The following GPC5 variants were observed in gnomAD, a reference collection of about 807,000 sequenced individuals.
GPC5 encodes the protein glypican 5, also known as glypican-5.
GPC5 carries 47 observed loss-of-function variants against 53.9 expected under a neutral mutation model. The ratio of observed to expected loss-of-function variants is 0.87; its 90% CI spans 0.69 to 1.11. The LOEUF is 1.11. Ranked by LOEUF, GPC5 falls within the 50% of genes most tolerant of loss-of-function variation. GPC5 has a pLI of 0.00. For synonymous variants in GPC5, 286 were observed against 263.3 expected, an observed-to-expected ratio of 1.09 and a Z score of -0.84; for missense variants, 748 against 713.1, an observed-to-expected ratio of 1.05 and a Z score of -0.56.
At chr13:92,505,825 G>A (rs1178327105) in intron 7 of GPC5, among the ~76,000 whole-genome samples, 3 of 151,990 alleles carry the variant, frequency 2.0e-5, no homozygotes, top group Admixed American at 6.6e-5. Context: ...CATCAAACTC[G>A]AAGGCTTTAA....
intron 7 of GPC5, among the ~76,000 whole-genome samples, chr13:92,670,501 C>T (rs1001848274): frequency 1.3e-5 from 2 of 152,220 alleles, no homozygotes; most frequent in Admixed American, 1.3e-4. Context: ...AACTATATAT[C>T]AGCCATCTCT....
chr13:91,830,089 TG>T (rs201027949), intron 5 of GPC5, among the ~76,000 whole-genome samples: 8,792 of 151,820 alleles, frequency 0.058, 350 homozygotes, highest in Non-Finnish European at 0.089. Flanking sequence ...CTATGGGAGA[TG>T]GGGGTCTATT....
chr13:92,781,064 T>A (rs566076883), intron 7 of GPC5, among the ~76,000 whole-genome samples: 60 of 152,256 alleles, frequency 3.9e-4, no homozygotes, highest in Non-Finnish European at 7.4e-4. Flanking sequence ...TCAAAAAGTT[T>A]ATGACAATGA....
intron 6 of GPC5, among the ~76,000 whole-genome samples, chr13:91,975,832 T>G (rs955927081): frequency 1.3e-5 from 2 of 152,214 alleles, no homozygotes; most frequent in African/African-American, 2.4e-5. Context: ...ATATGTTTAT[T>G]GCGGCACTAT....
chr13:91,466,121 A>G (rs1882222544), intron 2 of GPC5, among the ~76,000 whole-genome samples: 1 of 152,188 alleles, frequency 6.6e-6, no homozygotes, highest in African/African-American at 2.4e-5. Context: ...CAAGGAGCAG[A>G]TGTCCCTGAG....
At chr13:91,708,718 C>T (rs923876940) in intron 3 of GPC5, among the ~76,000 whole-genome samples, 7 of 152,026 alleles carry the variant, frequency 4.6e-5, no homozygotes, top group African/African-American at 1.7e-4. Context: ...AAAAAAATTA[C>T]AATGTATACT....
chr13:91,799,944 G>A (rs565466041), intron 5 of GPC5, among the ~76,000 whole-genome samples: 1 of 152,140 alleles, frequency 6.6e-6, no homozygotes, highest in South Asian at 2.1e-4. Context: ...GTTAATATTG[G>A]AAACACAACT....
chr13:91,580,689 C>A (rs1005042081), intron 2 of GPC5, among the ~76,000 whole-genome samples: 1 of 152,200 alleles, frequency 6.6e-6, no homozygotes, highest in Admixed American at 6.5e-5. Flanking sequence ...CATTGGCACC[C>A]TTTAGGATAA....
At chr13:92,050,251 G>A (rs1426923544) in intron 6 of GPC5, among the ~76,000 whole-genome samples, 1 of 152,008 alleles carries the variant, frequency 6.6e-6, no homozygotes, top group African/African-American at 2.4e-5. Flanking sequence ...TATTTGAATT[G>A]TAACAACATA....
intron 7 of GPC5, among the ~76,000 whole-genome samples, chr13:92,376,888 T>C (rs914014671): frequency 2.0e-5 from 3 of 152,018 alleles, no homozygotes; most frequent in Admixed American, 1.3e-4. Flanking sequence ...TGGTGGCACA[T>C]GCCTGTAATC....
At chr13:91,429,766 A>G (rs576594543) in intron 1 of GPC5, among the ~76,000 whole-genome samples, 1 of 152,338 alleles carries the variant, frequency 6.6e-6, no homozygotes, top group Admixed American at 6.5e-5. Flanking sequence ...AGAAATAAAG[A>G]TACCCAAGAC....
At chr13:92,256,057 C>T (rs1256315514) in intron 7 of GPC5, among the ~76,000 whole-genome samples, 1 of 151,834 alleles carries the variant, frequency 6.6e-6, no homozygotes, top group Non-Finnish European at 1.5e-5. Context: ...CTATATTTTA[C>T]TTTTTCTAAA....
intron 7 of GPC5, among the ~76,000 whole-genome samples, chr13:92,152,702 G>A (rs939820010): frequency 2.8e-5 from 4 of 145,382 alleles, no homozygotes; most frequent in Non-Finnish European, 5.9e-5. Flanking sequence ...TCGCACCACT[G>A]CATTCCAGCC....
chr13:91,762,679 A>G (rs2037440109), intron 5 of GPC5, among the ~76,000 whole-genome samples: 1 of 151,090 alleles, frequency 6.6e-6, no homozygotes, highest in African/African-American at 2.4e-5. Context: ...TATCATACCT[A>G]TAGCCTATCA....
chr13:92,183,038 G>A (rs1465517215), intron 7 of GPC5, among the ~76,000 whole-genome samples: 1 of 152,092 alleles, frequency 6.6e-6, no homozygotes, highest in Non-Finnish European at 1.5e-5. Flanking sequence ...ATATATACTA[G>A]TATGTACTTT....
intron 7 of GPC5, among the ~76,000 whole-genome samples, chr13:92,291,229 G>A (rs1052741526): frequency 1.3e-5 from 2 of 152,160 alleles, no homozygotes; most frequent in Admixed American, 6.5e-5. Context: ...TGAGGAGTGC[G>A]GGCGCATGGC....
chr13:91,696,610 G>A (rs1342824306), intron 3 of GPC5, among the ~76,000 whole-genome samples: 2 of 152,014 alleles, frequency 1.3e-5, no homozygotes, highest in Non-Finnish European at 2.9e-5. Flanking sequence ...CTGAGATCTA[G>A]TACTTCCAAG....
intron 7 of GPC5, among the ~76,000 whole-genome samples, chr13:92,397,867 ATTATCTTGCAG>A (rs1875358359): frequency 6.6e-6 from 1 of 152,176 alleles, no homozygotes; most frequent in African/African-American, 2.4e-5. Flanking sequence ...ATATTATTCT[ATTATCTTGCAG>A]TTTATATAAG....
chr13:92,053,914 C>T (rs1364714360), intron 6 of GPC5, among the ~76,000 whole-genome samples: 1 of 151,762 alleles, frequency 6.6e-6, no homozygotes, highest in East Asian at 1.9e-4. Context: ...CGCCTGTAAT[C>T]CCAGCTCCTC....
Sources: allele counts gnomAD v4.1 joint callset (sites outside exome capture counted in the v4.1 genomes callset), GRCh38; gene constraint gnomAD v4.1.1; transcripts MANE v1.5; gene names NCBI Gene and HGNC (gene_info 2026-07-23, HGNC 2026-07-21).